The following FHOD3 variants were observed in gnomAD, a reference collection of about 807,000 sequenced individuals.
FHOD3 encodes the protein formin homology 2 domain containing 3.
FHOD3 carries 90 observed loss-of-function variants against 173.0 expected under a neutral mutation model. The observed-to-expected ratio is 0.52, with a 90% CI of 0.44 to 0.62. FHOD3 has a LOEUF of 0.62. Among genes scored for constraint, FHOD3 ranks in the 20% least tolerant of loss-of-function variants. The pLI, the probability that FHOD3 is intolerant of heterozygous loss-of-function variation, is 0.00. For synonymous variants in FHOD3, 828 were observed against 823.0 expected (o/e 1.01, Z -0.10); for missense variants, 1,945 against 2,034.7 (o/e 0.96, Z 0.85).
At chr18:36,702,425 G>A (rs776795573) in intron 17 of FHOD3, among the ~76,000 whole-genome samples, 2 of 152,242 alleles carry the variant, frequency 1.3e-5, no homozygotes, top group South Asian at 4.1e-4. Context: ...GATTTTGAAA[G>A]TTGTAAGCTT....
chr18:36,299,876 T>C (rs1009165656), intron 1 of FHOD3, among the ~76,000 whole-genome samples: 20 of 152,224 alleles, frequency 1.3e-4, no homozygotes, highest in African/African-American at 4.8e-4. Context: ...TGGCATTGTT[T>C]TTCCCATCTA....
intron 5 of FHOD3, among the ~76,000 whole-genome samples, chr18:36,537,766 C>T (rs995617581): frequency 1.3e-5 from 2 of 152,100 alleles, no homozygotes; most frequent in Non-Finnish European, 2.9e-5. Context: ...GACTTTAACA[C>T]TCTAAACAGT....
chr18:36,356,572 A>C (rs2046369258), intron 2 of FHOD3, among the ~76,000 whole-genome samples: 1 of 151,544 alleles, frequency 6.6e-6, no homozygotes, highest in African/African-American at 2.4e-5. Flanking sequence ...ATCTCGGCTC[A>C]CTGCAGCCTC....
rs1402826353 is a variant in FHOD3 at position 36,501,991 on chromosome 18, A to G, written c.397A>G (p.Ile133Val). 3.1e-6 allele frequency: 5 copies of G among 1,602,884 alleles called. No individual in the cohort carries two copies. Among genetic ancestry groups the G allele is most frequent in the Non-Finnish European group, 3.4e-6 (4 of 1,173,588 alleles). The change falls in exon 4 of 29, where the codon ATA becomes GTA. Residue 133 changes from isoleucine (I) to valine (V), a missense_variant. Coordinates refer to ENST00000590592, the MANE Select transcript of FHOD3 (RefSeq NM_001281740.3). Reference sequence around the variant, plus strand: ...AAGGGCCCTCTTCTCCCTGAAGCAGATATTTCAGGTAAATAGGAAAAAAAT... The same window carrying G: ...AAGGGCCCTCTTCTCCCTGAAGCAGGTATTTCAGGTAAATAGGAAAAAAAT... Reference protein sequence around the residue: ...LRRALFSLKQIFQDDKDLVHE... With the variant: ...LRRALFSLKQVFQDDKDLVHE...
chr18:36,494,777 A>G (rs1236812288), intron 3 of FHOD3, among the ~76,000 whole-genome samples: 1 of 152,102 alleles, frequency 6.6e-6, no homozygotes, highest in Non-Finnish European at 1.5e-5. Context: ...GCTTCAGGAG[A>G]AAGGCAAATC....
At chr18:36,313,504 T>C (rs1303756209) in intron 1 of FHOD3, among the ~76,000 whole-genome samples, 1 of 152,224 alleles carries the variant, frequency 6.6e-6, no homozygotes, top group East Asian at 1.9e-4. Context: ...TTTTCCGGAA[T>C]GCTATATGAA....
chr18:36,353,769 A>G (rs2046239137), intron 1 of FHOD3, among the ~76,000 whole-genome samples: 1 of 152,196 alleles, frequency 6.6e-6, no homozygotes, highest in African/African-American at 2.4e-5. Context: ...TGTAGCAACC[A>G]CAAAACCTTA....
intron 4 of FHOD3, among the ~76,000 whole-genome samples, chr18:36,505,310 G>A (rs2055247271): frequency 6.6e-6 from 1 of 152,250 alleles, no homozygotes. Flanking sequence ...AGTGGCGTAA[G>A]TGTGAACTGT....
chr18:36,742,300 GC>G (rs1214657438), intron 21 of FHOD3, among the ~76,000 whole-genome samples: 2 of 152,170 alleles, frequency 1.3e-5, no homozygotes, highest in African/African-American at 4.8e-5. Context: ...GCCGTGGAGT[GC>G]CTTGAGGGGA....
intron 19 of FHOD3, among the ~76,000 whole-genome samples, chr18:36,728,038 G>A (rs1046930889): frequency 4.6e-5 from 7 of 152,212 alleles, no homozygotes; most frequent in Non-Finnish European, 7.3e-5. Context: ...GCAGGAAGAA[G>A]GGGGATGAGC....
chr18:36,655,739 C>T (rs1349097129), intron 13 of FHOD3, among the ~76,000 whole-genome samples: 2 of 121,790 alleles, frequency 1.6e-5, no homozygotes, highest in African/African-American at 7.3e-5. Flanking sequence ...AAAGAACCCT[C>T]ACCCTCCACA....
chr18:36,348,871 C>T (rs941336091), intron 1 of FHOD3, among the ~76,000 whole-genome samples: 1 of 152,122 alleles, frequency 6.6e-6, no homozygotes, highest in South Asian at 2.1e-4. Context: ...GTGCATTCAG[C>T]GGGCAACTCG....
At chr18:36,371,356 G>A (rs1257939952) in intron 2 of FHOD3, among the ~76,000 whole-genome samples, 1 of 152,192 alleles carries the variant, frequency 6.6e-6, no homozygotes, top group African/African-American at 2.4e-5. Context: ...GTTCCTCATT[G>A]CTGGGGAGGC....
intron 17 of FHOD3, among the ~76,000 whole-genome samples, chr18:36,705,947 CTGTGTGTGTGTGTGTGTGTGTGTGTGTG>C (rs3222016): frequency 4.2e-5 from 6 of 142,708 alleles, no homozygotes; most frequent in African/African-American, 1.1e-4. Flanking sequence ...TCAGAAGGAA[CTGTGTGTGTGTGTGTGTGTGTGTGTGTG>C]TGTGTGTGTG....
At position 36,730,772 on chromosome 18, in the gene FHOD3, G is replaced by T; in HGVS notation, c.3544G>T (p.Asp1182Tyr). 5 of 1,614,132 alleles carry T rather than the reference G, an allele frequency of 3.1e-6. No individual in the cohort carries two copies. The highest frequency in any genetic ancestry group is 4.2e-6 in the Non-Finnish European group (5 of 1,180,018). Residue 1182 changes from aspartate (D) to tyrosine (Y), a missense_variant, in exon 20 of 29, where the codon GAT (aspartate) becomes TAT (tyrosine). Asp to Tyr is a radical substitution (Grantham distance 160). Around this residue, in one of 5 missense-constraint regions of FHOD3, gnomAD observed 231 missense variants for 321.9 expected, o/e 0.72. Transcript: ENST00000590592. ...RTIKIAILNF[D>Y]EYALNKEGIE... ...GATTAAGATCGCCATTTTGAATTTT[G>T]ATGAGTATGCCTTAAACAAAGAAGG...
chr18:36,719,736 C>G (rs2040655473), intron 19 of FHOD3, among the ~76,000 whole-genome samples: 2 of 152,134 alleles, frequency 1.3e-5, no homozygotes, highest in African/African-American at 4.8e-5. Context: ...GCCATTTGGG[C>G]ACCAATTCTG....
intron 5 of FHOD3, among the ~76,000 whole-genome samples, chr18:36,531,983 T>C (rs912667997): frequency 1.3e-5 from 2 of 152,192 alleles, no homozygotes; most frequent in South Asian, 2.1e-4. Context: ...ATATCTTTCA[T>C]TTCCATTTCT....
intron 3 of FHOD3, among the ~76,000 whole-genome samples, chr18:36,374,769 C>T (rs1202782284): frequency 6.6e-6 from 1 of 152,226 alleles, no homozygotes; most frequent in African/African-American, 2.4e-5. Flanking sequence ...ATTTGTGCCT[C>T]ATCACAGGTA....
At chr18:36,623,811 G>A (rs2033891682) in intron 9 of FHOD3, among the ~76,000 whole-genome samples, 1 of 152,178 alleles carries the variant, frequency 6.6e-6, no homozygotes, top group Admixed American at 6.5e-5. Flanking sequence ...AGATAAGGGT[G>A]GATACACTCC....
Sources: gnomAD v4.1 joint callset for allele counts (sites outside exome capture counted in the v4.1 genomes callset) on GRCh38, gnomAD v4.1.1 for gene constraint, gnomAD v4.1.1 regional missense constraint, MANE v1.5 for transcripts, NCBI Gene and HGNC (gene_info 2026-07-23, HGNC 2026-07-21) for gene names.